FPR1: variants seen among roughly 807,000 people sequenced by gnomAD.
FPR1 encodes N-formyl peptide receptor 1.
For synonymous variants in FPR1, 193 were observed against 176.7 expected (o/e 1.09, Z -0.73); for missense variants, 407 against 453.0 (o/e 0.90, Z 0.92).
At chr19:51,748,773 CT>C in intron 1 of FPR1, among the ~76,000 whole-genome samples, 1 of 152,138 alleles carries the variant, frequency 6.6e-6, no homozygotes, top group Non-Finnish European at 1.5e-5. Context: ...AAATGGTTAA[CT>C]TTTTGTATTT....
chr19:51,747,147 C>T (rs772843393), intron 1 of FPR1, 142 bp from the exon 2 acceptor site: 167 of 630,440 alleles, frequency 2.6e-4, no homozygotes, highest in Non-Finnish European at 4.5e-4. Flanking sequence ...GGAACATCCT[C>T]ACCACTGTCC....
In FPR1 at chr19:51,746,213, G is replaced by T; in HGVS notation, c.782C>A (p.Ala261Asp). ...FLCWSPYQVV[A>D]LIATVRIREL... is the part of the protein sequence containing the mutation. ...ACGGATTCTGACTGTGGCTATAAGG[G>T]CCACCACCTGATATGGGGACCAGCA... Residue 261 changes from alanine to aspartate, a missense_variant, in exon 2 of 2, where the codon GCC (alanine) becomes GAC (aspartate). Ala to Asp is a moderately radical substitution (Grantham distance 126). Transcript: ENST00000304748. The surrounding 1 kb of genome is among the most constrained non-coding windows in gnomAD (Gnocchi z 4.3). 3 of 1,614,122 alleles carry T rather than the reference G, an allele frequency of 1.9e-6. No individual in the cohort carries two copies. Among genetic ancestry groups the T allele is most frequent in the Non-Finnish European group, 2.5e-6 (3 of 1,180,036 alleles).
chr19:51,747,113 TC>T, intron 1 of FPR1, 108 bp from the exon 2 acceptor site: 1 of 769,446 alleles, frequency 1.3e-6, no homozygotes, highest in Non-Finnish European at 2.1e-6. Flanking sequence ...TTTCTCACCT[TC>T]CCCTAGAGCT....
chr19:51,749,980 C>A (rs2083770889), intron 1 of FPR1, among the ~76,000 whole-genome samples: 2 of 152,196 alleles, frequency 1.3e-5, no homozygotes, highest in Non-Finnish European at 2.9e-5. Flanking sequence ...CTGGTCTTCT[C>A]TTCTAATGCT....
chr19:51,748,921 G>A (rs1232398959), intron 1 of FPR1, among the ~76,000 whole-genome samples: 1 of 151,988 alleles, frequency 6.6e-6, no homozygotes, highest in Non-Finnish European at 1.5e-5. Context: ...GAACTATAAG[G>A]TATGCAACTT....
chr19:51,750,996 G>A (rs1267864234), intron 1 of FPR1, among the ~76,000 whole-genome samples: 2 of 152,104 alleles, frequency 1.3e-5, no homozygotes, highest in Admixed American at 6.6e-5. Flanking sequence ...GATCCGAAAG[G>A]TGACTGCTTC....
In FPR1 at chr19:51,746,923, G is replaced by C; in HGVS notation, c.72C>G (p.Phe24Leu). The change falls in exon 2 of 2, where the codon TTC becomes TTG. Residue 24 changes from phenylalanine to leucine, a missense_variant. Transcript: ENST00000304748. The surrounding 1 kb of genome is among the most constrained non-coding windows in gnomAD (Gnocchi z 4.3). Reference sequence around the variant, plus strand: ...ATACCAGATAAGTGATGATATCCAGGAAGAGATAGCCAGCAGATACAGCAG... The same window carrying C: ...ATACCAGATAAGTGATGATATCCAGCAAGAGATAGCCAGCAGATACAGCAG... ...GTPAVSAGYL[F>L]LDIITYLVFA... 1 of 1,614,158 alleles carries C rather than the reference G, an allele frequency of 6.2e-7. No homozygotes were observed. Among genetic ancestry groups the C allele is most frequent in the African/African-American group, 1.3e-5 (1 of 75,020 alleles).
rs764850416 is a variant in FPR1, at chr19:51,746,710, C to T, written c.285G>A (p.Trp95Ter). Residue 95 changes from tryptophan to a stop codon, truncating the protein, a stop_gained, in exon 2 of 2, where the codon TGG becomes TGA. Transcript: ENST00000304748. LOFTEE classifies it low-confidence loss of function (END_TRUNC). This position sits in a 1 kb window ranked among gnomAD's most constrained non-coding sequence, Gnocchi z 4.3. Reference protein sequence around the residue: ...KAMGGHWPFGWFLCKFVFTIV... With the variant: ...KAMGGHWPFG ...TGGTAAAGACGAATTTGCACAGGAA[C>T]CAGCCGAAAGGCCAATGTCCTCCCA... is the stretch of plus-strand genomic sequence containing the variant. 1.2e-6 allele frequency: 2 copies of T among 1,614,040 alleles called. No homozygotes were observed. Among genetic ancestry groups the T allele is most frequent in the Non-Finnish European group, 1.7e-6 (2 of 1,180,036 alleles).
At chr19:51,751,175 G>T (rs1043663329) in intron 1 of FPR1, among the ~76,000 whole-genome samples, 1 of 152,060 alleles carries the variant, frequency 6.6e-6, no homozygotes, top group South Asian at 2.1e-4. Flanking sequence ...CTGCATCACT[G>T]TTCTCTGCCC....
intron 1 of FPR1, among the ~76,000 whole-genome samples, chr19:51,747,956 T>G (rs566809165): frequency 6.6e-6 from 1 of 152,148 alleles, no homozygotes; most frequent in African/African-American, 2.4e-5. Flanking sequence ...CTGAGCCACA[T>G]AGCAAGATCC....
intron 1 of FPR1, among the ~76,000 whole-genome samples, chr19:51,748,983 G>A (rs1038043130): frequency 1.3e-5 from 2 of 152,032 alleles, no homozygotes; most frequent in South Asian, 2.1e-4. Context: ...TTGGGAGGCC[G>A]AGGCGGGTGG....
intron 1 of FPR1, among the ~76,000 whole-genome samples, chr19:51,747,966 C>T (rs1460399551): frequency 6.6e-6 from 1 of 151,956 alleles, no homozygotes; most frequent in Non-Finnish European, 1.5e-5. Context: ...TAGCAAGATC[C>T]TCATCTCTAA....
chr19:51,747,038 T>G lies in FPR1; in HGVS notation c.-11-33A>C, dbSNP rs767568155. 26 of 1,468,326 alleles carry G rather than the reference T, an allele frequency of 1.8e-5. No individual in the cohort carries two copies. In the South Asian group the frequency reaches 3.3e-4, roughly 18 times the overall value. The allele number at this position is 1,468,326 out of a possible 1,614,324, so 91.0% of individuals were successfully genotyped here. The stretch of plus-strand genomic sequence containing the variant: ...AGTGCAGTCGTGGTCATTCCTCAGT[T>G]ATGAACCTCCGTACCATTTCCCCAC... On this transcript the variant is annotated intron_variant, in intron 1 of 1. Transcript: ENST00000304748.
Position 51,746,471 on chromosome 19 carries a change from G to A in FPR1, c.524C>T (p.Ala175Val), listed in dbSNP as rs781400810. The change falls in exon 2 of 2, where the codon GCC becomes GTC. Residue 175 changes from alanine (A) to valine (V), a missense_variant. By Grantham distance (64) the Ala-to-Val change is moderately conservative. Coordinates refer to ENST00000304748, the MANE Select transcript of FPR1 (RefSeq NM_002029.4). The surrounding 1 kb of genome is among the most constrained non-coding windows in gnomAD (Gnocchi z 4.3). ...TTVPGKTGTV[A>V]CTFNFSPWTN... ...CCAGGGCGAAAAGTTAAAAGTGCAGGCTACTGTCCCCGTTTTACCAGGTAC... is the reference window on the plus strand; with the variant it reads ...CCAGGGCGAAAAGTTAAAAGTGCAGACTACTGTCCCCGTTTTACCAGGTAC... 59 of 1,613,996 alleles carry A rather than the reference G, an allele frequency of 3.7e-5. No homozygotes were observed. The highest frequency in any genetic ancestry group is 4.9e-5 in the Non-Finnish European group (58 of 1,180,036).
intron 1 of FPR1, among the ~76,000 whole-genome samples, chr19:51,748,650 G>A (rs1444362768): frequency 6.6e-6 from 1 of 152,052 alleles, no homozygotes; most frequent in African/African-American, 2.4e-5. Flanking sequence ...TGTAGAGATG[G>A]GGTTTCACCA....
In FPR1 at chr19:51,746,396, A is replaced by G; in HGVS notation, c.599T>C (p.Val200Ala). The G allele has an allele frequency of 6.2e-7, 1 of 1,614,098 alleles. No individual in the cohort carries two copies. Among genetic ancestry groups the G allele is most frequent in the East Asian group, 2.2e-5 (1 of 44,866 alleles). ...AATGATGAACCGGATGATGCCTCTCACCGTCAACATGGCAACGGCCACATT... is the reference window on the plus strand; with the variant it reads ...AATGATGAACCGGATGATGCCTCTCGCCGTCAACATGGCAACGGCCACATT... Reference protein sequence around the residue: ...RINVAVAMLTVRGIIRFIIGF... With the variant: ...RINVAVAMLTARGIIRFIIGF... The change falls in exon 2 of 2, where the codon GTG (valine) becomes GCG (alanine). Residue 200 changes from valine to alanine, a missense_variant. By Grantham distance (64) the Val-to-Ala change is moderately conservative. Transcript: ENST00000304748. This position sits in a 1 kb window ranked among gnomAD's most constrained non-coding sequence, Gnocchi z 4.3.
rs182439751 is a variant in FPR1, at chr19:51,751,672, C to T, written c.-12+142G>A. On this transcript the variant is annotated intron_variant, in intron 1 of 1. Transcript: ENST00000304748. ...TGCTGGGATTACAAGCATGAGTCAC[C>T]GTGCCCGGCCTGTTTAGAACCTCTT... The T allele has an allele frequency of 1.2e-3, 185 of 152,362 alleles. 3 individuals are homozygous for T. Among genetic ancestry groups the T allele is most frequent in the Non-Finnish European group, 3.8e-4 (26 of 68,076 alleles). The allele number at this position is 152,362 out of a possible 1,614,324, so 9.4% of individuals were successfully genotyped here. A position where few individuals can be genotyped will look rare whatever the true frequency, so the allele number is the denominator to read the frequency against.
rs1311535690 is a variant in FPR1 at position 51,746,502 on chromosome 19, T to A, written c.493A>T (p.Thr165Ser). ...GTCCCCGTTTTACCAGGTACTGTAG[T>A]CACACGAATGATAACTGGCAATGTG... The part of the protein sequence containing the change: ...LLTLPVIIRV[T>S]TVPGKTGTVA... The change falls in exon 2 of 2, where the codon ACT becomes TCT. Residue 165 changes from threonine (T) to serine (S), a missense_variant. Thr to Ser is a moderately conservative substitution (Grantham distance 58, BLOSUM62 1). Coordinates refer to ENST00000304748, the MANE Select transcript of FPR1 (RefSeq NM_002029.4). This position sits in a 1 kb window ranked among gnomAD's most constrained non-coding sequence, Gnocchi z 4.3. The A allele has an allele frequency of 1.2e-6, 2 of 1,614,090 alleles. No individual in the cohort carries two copies. Among genetic ancestry groups the A allele is most frequent in the African/African-American group, 2.7e-5 (2 of 75,000 alleles).
chr19:51,747,062 A>C (rs1599807485), intron 1 of FPR1, 57 bp from the exon 2 acceptor site: 8 of 1,271,284 alleles, frequency 6.3e-6, no homozygotes, highest in South Asian at 2.9e-5. Flanking sequence ...CCATTTCCCC[A>C]CCCCCTCATT....
Sources: gnomAD v4.1 joint callset for allele counts (sites outside exome capture counted in the v4.1 genomes callset) on GRCh38, gnomAD v4.1.1 for gene constraint, Gnocchi (gnomAD v3.1) non-coding constraint, MANE v1.5 for transcripts, NCBI Gene and HGNC (gene_info 2026-07-23, HGNC 2026-07-21) for gene names.